BMPR1B: variants seen among roughly 807,000 people sequenced by gnomAD.
BMPR1B encodes the protein bone morphogenetic protein receptor type 1B.
A neutral mutation model predicts 59.1 loss-of-function variants in BMPR1B; 12 were observed. That is an observed-to-expected ratio of 0.20 (90% CI 0.13 to 0.33). BMPR1B has a LOEUF of 0.33. Ranked by LOEUF, BMPR1B falls within the 10% of genes least tolerant of loss-of-function variation. The pLI, the probability that BMPR1B is intolerant of heterozygous loss-of-function variation, is 1.00. For missense variants in BMPR1B, 550 were observed against 610.9 expected (o/e 0.90, Z 1.05); for synonymous variants, 237 against 207.3 (o/e 1.14, Z -1.23).
At chr4:94,787,076 C>T (rs974175452) in intron 1 of BMPR1B, among the ~76,000 whole-genome samples, 3 of 152,152 alleles carry the variant, frequency 2.0e-5, no homozygotes, top group South Asian at 2.1e-4. Flanking sequence ...GCTGAATGCC[C>T]AACCTGGGAT....
At chr4:95,082,264 A>G (rs1388746898) in intron 3 of BMPR1B, among the ~76,000 whole-genome samples, 5 of 151,546 alleles carry the variant, frequency 3.3e-5, no homozygotes, top group Non-Finnish European at 1.5e-5. Context: ...ACACACAGAA[A>G]ATTTGGTATC....
intron 1 of BMPR1B, among the ~76,000 whole-genome samples, chr4:94,833,410 C>T (rs1389613474): frequency 1.3e-5 from 2 of 152,150 alleles, no homozygotes; most frequent in Non-Finnish European, 2.9e-5. Context: ...CATAAAGTAA[C>T]CCCATTATCT....
At chr4:94,770,888 C>CAAAAA (rs11292596) in intron 1 of BMPR1B, among the ~76,000 whole-genome samples, 2 of 88,298 alleles carry the variant, frequency 2.3e-5, no homozygotes, top group Non-Finnish European at 2.3e-5. Context: ...ATTAGCCCTG[C>CAAAAA]AAAAAAAAAA....
intron 1 of BMPR1B, among the ~76,000 whole-genome samples, chr4:94,774,473 AT>A (rs1382845677): frequency 1.3e-5 from 2 of 151,794 alleles, no homozygotes; most frequent in Non-Finnish European, 1.5e-5. Flanking sequence ...GGTAAGGCAA[AT>A]CCCCTTTATG....
chr4:94,805,992 T>C lies in BMPR1B; in HGVS notation c.-183+47924T>C, dbSNP rs138207145. ...AAACTCCCAATTTCCTTAAAATATATTTGTCTGATATTTTCATTACCTGGA... is the reference window on the plus strand; with the variant it reads ...AAACTCCCAATTTCCTTAAAATATACTTGTCTGATATTTTCATTACCTGGA... On this transcript the variant is annotated intron_variant, in intron 1 of 12. Coordinates refer to ENST00000515059, the MANE Select transcript of BMPR1B (RefSeq NM_001203.3). Among the ~76,000 whole-genome samples, 395 of 152,326 alleles carry C rather than the reference T, an allele frequency of 2.6e-3. 7 individuals carry two copies. The South Asian group carries it at 0.027, about 10-fold the overall frequency.
chr4:94,950,061 A>G (rs970231177), intron 2 of BMPR1B, among the ~76,000 whole-genome samples: 3 of 151,962 alleles, frequency 2.0e-5, no homozygotes, highest in South Asian at 2.1e-4. Flanking sequence ...GCTTTTTTTC[A>G]TGTGTTTGTT....
intron 3 of BMPR1B, among the ~76,000 whole-genome samples, chr4:95,026,106 C>CTTTCTTTCTTTCTTTCTTTTTT (rs1228733871): frequency 7.5e-6 from 1 of 133,272 alleles, no homozygotes. Flanking sequence ...TCATTTCTTT[C>CTTTCTTTCTTTCTTTCTTTTTT]TTTCTTTCTT....
chr4:94,966,620 A>G (rs1385665728), intron 2 of BMPR1B, among the ~76,000 whole-genome samples: 1 of 152,162 alleles, frequency 6.6e-6, no homozygotes, highest in Non-Finnish European at 1.5e-5. Flanking sequence ...TAAACAATGA[A>G]CTCTATACTC....
In BMPR1B at chr4:94,777,094, G is replaced by A. The variant is rs372457395; in HGVS notation, c.-183+19026G>A. Among the ~76,000 whole-genome samples, 6 of 152,168 alleles carry A rather than the reference G, an allele frequency of 3.9e-5. No individual in the cohort carries two copies. The East Asian group carries it at 7.7e-4, about 20-fold the overall frequency. Reference sequence around the variant, plus strand: ...TCCTTATTTTTATCATAACAGTACAGTGAACATCTTTATGAATAGGTCCTT... The same window carrying A: ...TCCTTATTTTTATCATAACAGTACAATGAACATCTTTATGAATAGGTCCTT... On this transcript the variant is annotated intron_variant, in intron 1 of 12. Transcript: ENST00000515059.
At position 95,065,146 on chromosome 4, in the gene BMPR1B, A is replaced by G. The variant is rs532670385; in HGVS notation, c.-17-39262A>G. Among the ~76,000 whole-genome samples, 271 of 152,338 alleles carry G rather than the reference A, an allele frequency of 1.8e-3. 1 individual carries two copies. The highest frequency in any genetic ancestry group is 6.3e-3 in the African/African-American group (264 of 41,582). The stretch of plus-strand genomic sequence containing the variant: ...AATACAAACTGTTGTATATCTATAT[A>G]ATAGAATGTTATTTGGCAATAAAAA... On this transcript the variant is annotated intron_variant, in intron 3 of 12. Transcript: ENST00000515059.
intron 2 of BMPR1B, among the ~76,000 whole-genome samples, chr4:94,973,350 A>C (rs903312386): frequency 6.6e-6 from 1 of 152,120 alleles, no homozygotes; most frequent in African/African-American, 2.4e-5. Flanking sequence ...AAGTCACGTG[A>C]ATGAATTAAA....
chr4:94,866,239 A>G (rs2148962431), intron 1 of BMPR1B, among the ~76,000 whole-genome samples: 1 of 152,294 alleles, frequency 6.6e-6, no homozygotes, highest in Admixed American at 6.5e-5. Flanking sequence ...TCAGAGGATT[A>G]ACATTTCTCT....
intron 3 of BMPR1B, among the ~76,000 whole-genome samples, chr4:95,047,369 T>C (rs562274256): frequency 1.3e-5 from 2 of 152,338 alleles, no homozygotes; most frequent in East Asian, 3.9e-4. Flanking sequence ...TACACTTTCC[T>C]TGATAGTTTT....
At chr4:94,960,118 C>G (rs1474816430) in intron 2 of BMPR1B, among the ~76,000 whole-genome samples, 1 of 152,036 alleles carries the variant, frequency 6.6e-6, no homozygotes, top group Non-Finnish European at 1.5e-5. Context: ...TATGAAGGTC[C>G]AAAAATGTAG....
intron 1 of BMPR1B, among the ~76,000 whole-genome samples, chr4:94,761,044 A>G (rs898600617): frequency 3.3e-5 from 5 of 152,226 alleles, no homozygotes; most frequent in Non-Finnish European, 7.3e-5. Flanking sequence ...TAGGATGGCT[A>G]TGGAATTGAG....
At chr4:94,881,937 T>A (rs1726989871) in intron 2 of BMPR1B, among the ~76,000 whole-genome samples, 1 of 152,210 alleles carries the variant, frequency 6.6e-6, no homozygotes, top group South Asian at 2.1e-4. Flanking sequence ...GGTAAGACAG[T>A]GTCTCAACCC....
intron 9 of BMPR1B, among the ~76,000 whole-genome samples, chr4:95,130,885 A>C (rs1166830624): frequency 6.6e-6 from 1 of 151,850 alleles, no homozygotes; most frequent in Non-Finnish European, 1.5e-5. Flanking sequence ...ACATGCCACC[A>C]TGCCCAGCTA....
chr4:94,989,386 T>TAAAAAAAAA (rs532770101), intron 2 of BMPR1B, among the ~76,000 whole-genome samples: 1 of 137,942 alleles, frequency 7.2e-6, no homozygotes. Context: ...AGACTCCGTC[T>TAAAAAAAAA]AAAAAAAAAA....
chr4:94,926,077 T>A (rs1728880170), intron 2 of BMPR1B, among the ~76,000 whole-genome samples: 1 of 41,000 alleles, frequency 2.4e-5, no homozygotes, highest in South Asian at 1.5e-3. Flanking sequence ...CCCTCCCGTC[T>A]CCCTCCCCTT....
Sources: allele counts gnomAD v4.1 joint callset (sites outside exome capture counted in the v4.1 genomes callset), GRCh38; gene constraint gnomAD v4.1.1; transcripts MANE v1.5; gene names NCBI Gene and HGNC (gene_info 2026-07-23, HGNC 2026-07-21).